The following FAM167A variants were observed in gnomAD, a reference collection of about 807,000 sequenced individuals.
FAM167A encodes protein FAM167A.
FAM167A carries 23 observed loss-of-function variants against 14.9 expected under a neutral mutation model. The observed-to-expected ratio is 1.55, with a 90% confidence interval of 1.11 to 2.19. FAM167A has a LOEUF of 2.19. Ranked by LOEUF, FAM167A falls within the 30% of genes most tolerant of loss-of-function variation. The pLI is 0.00. For synonymous variants in FAM167A, 174 were observed against 117.7 expected (o/e 1.48, Z -3.10); for missense variants, 401 against 281.5 (o/e 1.42, Z -3.04).
chr8:11,452,293 C>A (rs1484128492), intron 1 of FAM167A, among the ~76,000 whole-genome samples: 1 of 152,240 alleles, frequency 6.6e-6, no homozygotes, highest in African/African-American at 2.4e-5. Flanking sequence ...TTGCTCTGCT[C>A]CTCTGGCAGA....
chr8:11,470,175 A>G (rs1245346604), upstream of FAM167A, among the ~76,000 whole-genome samples: 1 of 152,196 alleles, frequency 6.6e-6, no homozygotes, highest in Non-Finnish European at 1.5e-5. Context: ...AGAATTGTAG[A>G]CTTGGATTGG....
chr8:11,447,548 A>G (rs571455895), intron 1 of FAM167A, among the ~76,000 whole-genome samples: 1 of 152,336 alleles, frequency 6.6e-6, no homozygotes, highest in South Asian at 2.1e-4. Flanking sequence ...CAGTGTGCAC[A>G]TCTGCCCATG....
chr8:11,471,043 G>A (rs115887420), upstream of FAM167A, among the ~76,000 whole-genome samples: 1,273 of 152,278 alleles, frequency 8.4e-3, 21 homozygotes, highest in African/African-American at 0.029. Context: ...GGAGTGTGGC[G>A]CACGTGGCTT....
rs76844951 is a variant in FAM167A at position 11,444,760 on chromosome 8, A to C, written c.-349T>G. 3 of 1,030,136 alleles carry C rather than the reference A, an allele frequency of 2.9e-6. No individual in the cohort carries two copies. Among genetic ancestry groups the C allele is most frequent in the East Asian group, 8.7e-5 (1 of 11,510 alleles). 63.8% of individuals were successfully genotyped at this position (1,030,136 alleles called of 1,614,324 possible). A position where few individuals can be genotyped will look rare whatever the true frequency, so the allele number is the denominator to read the frequency against. On this transcript the variant is annotated 5_prime_UTR_variant, in exon 2 of 3. Transcript: ENST00000284486. Reference sequence around the variant, plus strand: ...GCACTCGAAGACCAGACTGGCAGGAAGAAGGCCCAGAGCTCTCTCTTCTCG... The same window carrying C: ...GCACTCGAAGACCAGACTGGCAGGACGAAGGCCCAGAGCTCTCTCTTCTCG...
intron 2 of FAM167A, among the ~76,000 whole-genome samples, chr8:11,425,148 G>GGCATTCTAAAACGTT (rs1287334212): frequency 2.5e-3 from 385 of 152,292 alleles, no homozygotes; most frequent in African/African-American, 8.9e-3. Context: ...ATATTTCTTA[G>GGCATTCTAAAACGTT]TAAAGTTTCA....
intron 1 of FAM167A, among the ~76,000 whole-genome samples, chr8:11,473,544 C>T (rs531347734): frequency 6.6e-6 from 1 of 152,328 alleles, no homozygotes; most frequent in Admixed American, 6.5e-5. Context: ...TCAACTCTAA[C>T]CCACTGCCAC....
intron 1 of FAM167A, among the ~76,000 whole-genome samples, chr8:11,461,727 G>A (rs1440564914): frequency 6.6e-6 from 1 of 152,186 alleles, no homozygotes; most frequent in Non-Finnish European, 1.5e-5. Context: ...CAGGATAATT[G>A]GCTCCAAGTT....
chr8:11,472,437 G>GTTTTTTTT (rs113039104), upstream of FAM167A, among the ~76,000 whole-genome samples: 1 of 122,552 alleles, frequency 8.2e-6, no homozygotes. Context: ...TGTTTTTTGG[G>GTTTTTTTT]TTTTTTTTTT....
chr8:11,445,373 G>C (rs1208335569), intron 1 of FAM167A: 4 of 985,934 alleles, frequency 4.1e-6, no homozygotes, highest in Admixed American at 6.1e-5. Flanking sequence ...CTACATCCAG[G>C]TCTTACTCTA....
intron 1 of FAM167A, among the ~76,000 whole-genome samples, chr8:11,465,728 G>A (rs1293652014): frequency 1.3e-5 from 2 of 152,240 alleles, no homozygotes; most frequent in Non-Finnish European, 2.9e-5. Context: ...GTGGGAAGCT[G>A]CTTTGGAGCA....
In FAM167A at chr8:11,444,193, C is replaced by T; in HGVS notation, c.219G>A (p.Glu73=). 6.2e-7 allele frequency: 1 copy of T among 1,613,052 alleles called. No homozygotes were observed. Among genetic ancestry groups the T allele is most frequent in the South Asian group, 1.1e-5 (1 of 91,042 alleles). ...PAAEPQASLE[E]GERGGQEPLL... ...AGGGCTCCTGCCCCCCACGCTCCCC[C>T]TCCTCCAAGCTCGCCTGTGGCTCCG... Residue 73 remains glutamate (E), a synonymous_variant, in exon 2 of 3, where the codon GAG becomes GAA. Transcript: ENST00000284486.
chr8:11,471,528 C>G (rs1035914725), upstream of FAM167A, among the ~76,000 whole-genome samples: 1 of 152,156 alleles, frequency 6.6e-6, no homozygotes, highest in African/African-American at 2.4e-5. Flanking sequence ...CAGGCAGACC[C>G]GGGTTGCATC....
chr8:11,438,596 C>A, intron 2 of FAM167A: 1 of 429,464 alleles, frequency 2.3e-6, no homozygotes, highest in Non-Finnish European at 4.6e-6. Flanking sequence ...ACTTCGAAAA[C>A]TATAAAAAAG....
chr8:11,444,888 G>C (rs1036956730), intron 1 of FAM167A, 80 bp from the exon 2 acceptor site: 1 of 967,874 alleles, frequency 1.0e-6, no homozygotes, highest in Non-Finnish European at 1.2e-6. Context: ...CCACAGGAGG[G>C]GAAACTGAGG....
rs1056361111 is a variant in FAM167A, at chr8:11,421,711, C to G, written c.*2662G>C. On this transcript the variant is annotated 3_prime_UTR_variant, in exon 3 of 3. Coordinates refer to ENST00000284486, the MANE Select transcript of FAM167A (RefSeq NM_053279.3). Reference sequence around the variant, plus strand: ...AGCCCCTGAAGGCATCAAGACATGACCACGCATGGCAGTGTCGGTGGAGAG... The same window carrying G: ...AGCCCCTGAAGGCATCAAGACATGAGCACGCATGGCAGTGTCGGTGGAGAG... 4.3e-5 allele frequency: 17 copies of G among 398,940 alleles called. No homozygotes were observed. Among genetic ancestry groups the G allele is most frequent in the Non-Finnish European group, 6.6e-5 (15 of 226,092 alleles). The allele number at this position is 398,940 out of a possible 1,614,324, so 24.7% of individuals were successfully genotyped here. A position where few individuals can be genotyped will look rare whatever the true frequency, so the allele number is the denominator to read the frequency against.
Position 11,444,316 on chromosome 8 carries a change from G to T in FAM167A, c.96C>A (p.Ala32=). ...PPDDHLRSLK[A]LTEKLRLETR... ...TCTCCAGCCTCAGTTTCTCGGTGAG[G>T]GCCTTCAGGCTCCGGAGGTGGTCAT... Residue 32 remains alanine (A), a synonymous_variant, in exon 2 of 3, where the codon GCC becomes GCA. Transcript: ENST00000284486. 1 of 1,612,304 alleles carries T rather than the reference G, an allele frequency of 6.2e-7. No individual in the cohort carries two copies. The highest frequency in any genetic ancestry group is 8.5e-7 in the Non-Finnish European group (1 of 1,179,704).
At chr8:11,469,633 G>A (rs985402859), upstream of FAM167A, among the ~76,000 whole-genome samples, 6 of 152,134 alleles carry the variant, frequency 3.9e-5, no homozygotes, top group Admixed American at 2.6e-4. Flanking sequence ...TTGGGAGGCC[G>A]AGGCAGGGGG....
intron 1 of FAM167A, among the ~76,000 whole-genome samples, chr8:11,463,770 A>G (rs775684307): frequency 6.6e-6 from 1 of 152,132 alleles, no homozygotes; most frequent in Non-Finnish European, 1.5e-5. Flanking sequence ...CCAGTGGGAG[A>G]AGGTGAACCC....
intron 1 of FAM167A, among the ~76,000 whole-genome samples, chr8:11,473,845 G>C (rs901019128): frequency 2.0e-5 from 3 of 151,914 alleles, no homozygotes; most frequent in Non-Finnish European, 2.9e-5. Context: ...TGGTTTTTTT[G>C]TTTGTTTCTT....
Sources: gnomAD v4.1 joint callset for allele counts (sites outside exome capture counted in the v4.1 genomes callset) on GRCh38, gnomAD v4.1.1 for gene constraint, MANE v1.5 for transcripts, NCBI Gene and HGNC (gene_info 2026-07-23, HGNC 2026-07-21) for gene names.